Variants in STAG1 observed in about 807,000 individuals in gnomAD.
STAG1 encodes cohesin subunit SA-1.
In STAG1, 26 loss-of-function variants were observed where a neutral mutation model predicts 170.9. The observed-to-expected ratio is 0.15, with a 90% CI of 0.11 to 0.21. STAG1 has a LOEUF of 0.21. STAG1 is among the 10% of genes least tolerant of loss of function. The pLI is 1.00. For missense variants in STAG1, 964 were observed against 1,509.5 expected (o/e 0.64, Z 5.99); for synonymous variants, 514 against 497.7 (o/e 1.03, Z -0.44).
chr3:136,484,921 C>T (rs559850642), intron 9 of STAG1, among the ~76,000 whole-genome samples: 78 of 152,198 alleles, frequency 5.1e-4, no homozygotes, highest in African/African-American at 1.8e-3. Flanking sequence ...GGCAATGCCT[C>T]GCCCTGCTTC....
chr3:136,731,456 G>T (rs1175556207), intron 1 of STAG1, among the ~76,000 whole-genome samples: 1 of 152,166 alleles, frequency 6.6e-6, no homozygotes, highest in African/African-American at 2.4e-5. Flanking sequence ...AGTATCTTTA[G>T]GCAGGGTACC....
chr3:136,714,781 T>G (rs989057347), intron 1 of STAG1, among the ~76,000 whole-genome samples: 2 of 149,650 alleles, frequency 1.3e-5, no homozygotes, highest in East Asian at 3.9e-4. Context: ...TGGTGGCACA[T>G]GCCTATATTC....
intron 22 of STAG1, among the ~76,000 whole-genome samples, chr3:136,389,542 T>G (rs2108325292): frequency 6.6e-6 from 1 of 152,164 alleles, no homozygotes; most frequent in Non-Finnish European, 1.5e-5. Flanking sequence ...TTTTCTGAGA[T>G]GGATTCTTGC....
rs1204139440 is a variant in STAG1 at position 136,485,228 on chromosome 3, T to C, written c.903-7816A>G. ...ATCCCAGCACTTTGGGAGGCTGAGG[T>C]GGGCAGATCACGAAGTCAGGAGATC... On this transcript the variant is annotated intron_variant, in intron 9 of 33. Transcript: ENST00000383202. Among the ~76,000 whole-genome samples, 3 of 152,140 alleles carry C rather than the reference T, an allele frequency of 2.0e-5. No homozygotes were observed. In the Middle Eastern group the frequency reaches 0.01, roughly 517 times the overall value.
chr3:136,561,805 T>C (rs1936852599), intron 5 of STAG1, among the ~76,000 whole-genome samples: 1 of 127,466 alleles, frequency 7.8e-6, no homozygotes, highest in South Asian at 2.7e-4. Flanking sequence ...ACGCTGGCTT[T>C]GGGGTTAAAA....
intron 3 of STAG1, among the ~76,000 whole-genome samples, chr3:136,620,072 AAAAATAAAAT>A (rs1019514373): frequency 1.3e-5 from 2 of 152,090 alleles, no homozygotes; most frequent in African/African-American, 2.4e-5. Context: ...TCTCAAAAGA[AAAAATAAAAT>A]AAAATAAAAT....
intron 32 of STAG1, among the ~76,000 whole-genome samples, chr3:136,339,709 T>G (rs1338683229): frequency 2.0e-5 from 3 of 152,224 alleles, no homozygotes; most frequent in Non-Finnish European, 2.9e-5. Context: ...TATGTAATTC[T>G]GCCTATAACT....
At chr3:136,690,938 A>G (rs1023577776) in intron 1 of STAG1, among the ~76,000 whole-genome samples, 1 of 151,054 alleles carries the variant, frequency 6.6e-6, no homozygotes, top group Non-Finnish European at 1.5e-5. Context: ...TGACTGCAAT[A>G]TCCAACGGGG....
intron 2 of STAG1, 47 bp from the exon 3 acceptor site, chr3:136,623,295 G>C (rs1192358031): frequency 6.4e-7 from 1 of 1,552,322 alleles, no homozygotes; most frequent in Non-Finnish European, 8.8e-7. Context: ...TAAGTATAAT[G>C]CATTTCTGTT....
intron 4 of STAG1, among the ~76,000 whole-genome samples, chr3:136,594,446 A>C (rs1467819692): frequency 6.6e-6 from 1 of 152,202 alleles, no homozygotes. Context: ...ATTTAAATGG[A>C]CAAAATTAGT....
chr3:136,603,051 T>G (rs1423928748), intron 4 of STAG1, among the ~76,000 whole-genome samples: 2 of 152,084 alleles, frequency 1.3e-5, no homozygotes, highest in Non-Finnish European at 2.9e-5. Flanking sequence ...AACACGTCAA[T>G]CTGGTAACAT....
At chr3:136,517,897 G>A (rs1250603189) in intron 7 of STAG1, 2 of 151,954 alleles carry the variant, frequency 1.3e-5, no homozygotes, top group African/African-American at 2.4e-5. Flanking sequence ...AAATTCCAAC[G>A]AAGGGATTAA....
chr3:136,607,754 T>C (rs564502578), intron 3 of STAG1, among the ~76,000 whole-genome samples: 3 of 152,342 alleles, frequency 2.0e-5, no homozygotes, highest in Non-Finnish European at 4.4e-5. Context: ...CTTTGGCCAA[T>C]GGGAGCTCTT....
At chr3:136,424,205 G>C (rs1304308905) in intron 16 of STAG1, among the ~76,000 whole-genome samples, 1 of 151,994 alleles carries the variant, frequency 6.6e-6, no homozygotes, top group African/African-American at 2.4e-5. Context: ...AAGCAATTAA[G>C]GGAACTACAT....
chr3:136,566,305 G>C (rs1937073784), intron 5 of STAG1, among the ~76,000 whole-genome samples: 2 of 152,144 alleles, frequency 1.3e-5, no homozygotes, highest in Admixed American at 1.3e-4. Flanking sequence ...CCATGTAAGG[G>C]TACAACTAGA....
chr3:136,644,381 A>G (rs1027835277), intron 1 of STAG1, among the ~76,000 whole-genome samples: 2 of 152,204 alleles, frequency 1.3e-5, no homozygotes, highest in East Asian at 3.9e-4. Context: ...TCACTGGAGC[A>G]CCATGCCTGC....
chr3:136,431,725 T>C, intron 16 of STAG1, among the ~76,000 whole-genome samples: 1 of 152,224 alleles, frequency 6.6e-6, no homozygotes, highest in East Asian at 1.9e-4. Flanking sequence ...TTGTTGACTT[T>C]CACTGAATAT....
chr3:136,697,843 C>G (rs1455615509), intron 1 of STAG1, among the ~76,000 whole-genome samples: 1 of 152,132 alleles, frequency 6.6e-6, no homozygotes, highest in East Asian at 1.9e-4. Context: ...GGAAGTGTAT[C>G]TTGTGTTAAT....
chr3:136,675,393 G>T (rs1352903305), intron 1 of STAG1, among the ~76,000 whole-genome samples: 1 of 152,082 alleles, frequency 6.6e-6, no homozygotes, highest in African/African-American at 2.4e-5. Context: ...ATACCACCAC[G>T]CCAGTGAATC....
Sources: allele counts gnomAD v4.1 joint callset (sites outside exome capture counted in the v4.1 genomes callset), GRCh38; gene constraint gnomAD v4.1.1; transcripts MANE v1.5; gene names NCBI Gene and HGNC (gene_info 2026-07-23, HGNC 2026-07-21).